The following GYG1 variants were observed in gnomAD, a reference collection of about 807,000 sequenced individuals.
GYG1 encodes the protein glycogenin-1.
In GYG1, 44 loss-of-function variants were observed where a neutral mutation model predicts 41.9. The observed-to-expected ratio is 1.05, with a 90% CI of 0.83 to 1.35. The LOEUF (loss-of-function observed/expected upper bound fraction) is 1.35. Among genes scored for constraint, GYG1 ranks in the 40% most tolerant of loss-of-function variants. GYG1 has a pLI of 0.00. For synonymous variants in GYG1, 141 were observed against 158.1 expected (o/e 0.89, Z 0.81); for missense variants, 429 against 418.9 (o/e 1.02, Z -0.21).
At chr3:149,006,717 GTTCCCATGGA>G (rs941228202) in intron 4 of GYG1, among the ~76,000 whole-genome samples, 69 of 152,088 alleles carry the variant, frequency 4.5e-4, no homozygotes, top group Non-Finnish European at 1.9e-4. Flanking sequence ...CTTTTTTTCT[GTTCCCATGGA>G]ACCGATTGGC....
At position 149,016,284 on chromosome 3, in the gene GYG1, GA is replaced by G. The variant is rs1356253404; in HGVS notation, c.608+6894del. ...TCAAAAAAAAAAAAAAAACAAAAAA[GA>G]AAAAAAAAAAAGAGCCAGGACAGTT... On this transcript the variant is annotated intron_variant, in intron 5 of 7. Coordinates refer to ENST00000345003, the MANE Select transcript of GYG1 (RefSeq NM_004130.4). 8.5e-3 allele frequency among the ~76,000 whole-genome samples: 999 copies of G among 117,250 alleles called. 11 individuals are homozygous for G. The highest frequency in any genetic ancestry group is 0.014 in the Middle Eastern group (3 of 208). 76.9% of individuals were successfully genotyped at this position (117,250 alleles called of 152,430 possible).
chr3:149,021,837 G>A (rs1429010705), intron 5 of GYG1, among the ~76,000 whole-genome samples: 1 of 151,786 alleles, frequency 6.6e-6, no homozygotes, highest in East Asian at 1.9e-4. Context: ...GGTATATCAT[G>A]CTCAAATATC....
Position 148,999,053 on chromosome 3 carries a change from A to G in GYG1, c.481+2149A>G, listed in dbSNP as rs1224285946. Among the ~76,000 whole-genome samples, 3 of 152,376 alleles carry G rather than the reference A, an allele frequency of 2.0e-5. No homozygotes were observed. The East Asian group carries it at 5.8e-4, about 29-fold the overall frequency. On this transcript the variant is annotated intron_variant, in intron 4 of 7. Transcript: ENST00000345003. ...CCTAGAAAACGATTAGATGTTATTGAGAGGTAAGACTTTGATTACCAAACA... is the reference window on the plus strand; with the variant it reads ...CCTAGAAAACGATTAGATGTTATTGGGAGGTAAGACTTTGATTACCAAACA...
rs924107915 is a variant in GYG1 at position 149,030,916 on chromosome 3, C to T, written c.*3983C>T. On this transcript the variant is annotated 3_prime_UTR_variant, in exon 8 of 8. Coordinates refer to ENST00000345003, the MANE Select transcript of GYG1 (RefSeq NM_004130.4). ...CCTATAACACAACATTGTCTCCGATCTCATCTTTCTATCAAATGACTTCCA... is the reference window on the plus strand; with the variant it reads ...CCTATAACACAACATTGTCTCCGATTTCATCTTTCTATCAAATGACTTCCA... The T allele has an allele frequency of 7.2e-5, 11 of 152,204 alleles. No individual in the cohort carries two copies. The highest frequency in any genetic ancestry group is 4.6e-4 in the Admixed American group (7 of 15,288). The allele number at this position is 152,204 out of a possible 1,614,324, so 9.4% of individuals were successfully genotyped here. A position where few individuals can be genotyped will look rare whatever the true frequency, so the allele number is the denominator to read the frequency against.
In GYG1 at chr3:149,029,553, G is replaced by A. The variant is rs1714841024; in HGVS notation, c.*2620G>A. On this transcript the variant is annotated 3_prime_UTR_variant, in exon 8 of 8. Coordinates refer to ENST00000345003, the MANE Select transcript of GYG1 (RefSeq NM_004130.4). The stretch of plus-strand genomic sequence containing the variant: ...TTTGAAGTTAATGTGTTAAAAACTT[G>A]AGGTTAAACATTTGAGTTTTTGTTA... Among the ~76,000 whole-genome samples the A allele has an allele frequency of 6.6e-6, 1 of 152,224 alleles. No individual in the cohort carries two copies. Among genetic ancestry groups the A allele is most frequent in the African/African-American group, 2.4e-5 (1 of 41,454 alleles).
chr3:148,996,277 G>A, intron 2 of GYG1, 25 bp from the exon 3 acceptor site: 2 of 1,554,646 alleles, frequency 1.3e-6, no homozygotes, highest in Non-Finnish European at 8.9e-7. Context: ...TGCTAAGTGT[G>A]GTATTCTGGA....
intron 1 of GYG1, among the ~76,000 whole-genome samples, chr3:148,991,908 C>A (rs1222314647): frequency 1.3e-5 from 2 of 152,214 alleles, no homozygotes; most frequent in Non-Finnish European, 2.9e-5. Context: ...TCTCCTCGTC[C>A]TTCCTCTTGC....
intron 4 of GYG1, chr3:149,001,210 G>A (rs1713077083): frequency 6.6e-6 from 1 of 152,132 alleles, no homozygotes; most frequent in Non-Finnish European, 1.5e-5. Context: ...ATCTTCCCAT[G>A]GTGACTTCCC....
chr3:149,001,194 ACAGTTATCTTCC>A (rs2107892794), intron 4 of GYG1: 2 of 152,268 alleles, frequency 1.3e-5, no homozygotes, highest in Admixed American at 1.3e-4. Context: ...GTCAGCCCGG[ACAGTTATCTTCC>A]CATGGTGACT....
At chr3:149,016,339 GTGTA>G (rs912666228) in intron 5 of GYG1, among the ~76,000 whole-genome samples, 2 of 151,408 alleles carry the variant, frequency 1.3e-5, no homozygotes, top group African/African-American at 4.9e-5. Flanking sequence ...GGAAGGCAAA[GTGTA>G]TGGGCACAGA....
chr3:149,014,344 A>C (rs536664088), intron 5 of GYG1, among the ~76,000 whole-genome samples: 17 of 151,882 alleles, frequency 1.1e-4, no homozygotes, highest in Non-Finnish European at 2.5e-4. Context: ...ATCGGACCCA[A>C]CCCAGCCTTT....
intron 4 of GYG1, among the ~76,000 whole-genome samples, chr3:148,999,129 A>G (rs1168141074): frequency 1.3e-5 from 2 of 152,236 alleles, no homozygotes; most frequent in Non-Finnish European, 2.9e-5. Flanking sequence ...ATATGAAACT[A>G]ACTAACCTAT....
intron 1 of GYG1, among the ~76,000 whole-genome samples, chr3:148,991,982 G>A (rs1712506992): frequency 6.6e-6 from 1 of 152,070 alleles, no homozygotes; most frequent in Non-Finnish European, 1.5e-5. Flanking sequence ...TGGGGAGCCG[G>A]TTCCCCTGGG....
intron 4 of GYG1, among the ~76,000 whole-genome samples, chr3:148,999,953 C>T (rs1352091377): frequency 1.3e-5 from 2 of 152,160 alleles, no homozygotes; most frequent in African/African-American, 4.8e-5. Flanking sequence ...ATGTTTTTAA[C>T]CTCTTTCCTG....
rs1715060386 is a variant in GYG1, at chr3:149,031,637, T to A, written c.*4704T>A. 1 of 152,208 alleles carries A rather than the reference T, an allele frequency of 6.6e-6. No individual in the cohort carries two copies. Among genetic ancestry groups the A allele is most frequent in the African/African-American group, 2.4e-5 (1 of 41,440 alleles). The allele number at this position is 152,208 out of a possible 1,614,324, so 9.4% of individuals were successfully genotyped here. ...TTTTTCATGAACATAAAACTCCAAG[T>A]CATTTATGTGAACTATATCTCAATG... On this transcript the variant is annotated 3_prime_UTR_variant, in exon 8 of 8. Transcript: ENST00000345003.
chr3:149,027,016 T>C lies in GYG1; in HGVS notation c.*83T>C. On this transcript the variant is annotated 3_prime_UTR_variant, in exon 8 of 8. Transcript: ENST00000345003. ...GTATCTAGAGCTGGGTTGAGAAAAG[T>C]CTGTTACAGTTGCTAGAGGTTTTCA... The C allele has an allele frequency of 7.2e-7, 1 of 1,398,352 alleles. No homozygotes were observed. The highest frequency in any genetic ancestry group is 2.3e-5 in the East Asian group (1 of 43,902). The allele number at this position is 1,398,352 out of a possible 1,614,324, so 86.6% of individuals were successfully genotyped here.
chr3:149,016,313 T>A (rs114596958), intron 5 of GYG1, among the ~76,000 whole-genome samples: 2,711 of 148,738 alleles, frequency 0.018, 88 homozygotes, highest in African/African-American at 0.063. Flanking sequence ...GGACAGTTTA[T>A]CCTTGGTAAC....
At chr3:148,996,228 A>C in intron 2 of GYG1, 74 bp from the exon 3 acceptor site, 1 of 1,002,134 alleles carries the variant, frequency 1.0e-6, no homozygotes, top group South Asian at 1.3e-5. Context: ...GTAATAAAGC[A>C]TCAGTCTTAC....
rs1317574797 is a variant in GYG1, at chr3:149,028,618, A to AT, written c.*1691dup. On this transcript the variant is annotated 3_prime_UTR_variant, in exon 8 of 8. Transcript: ENST00000345003. ...GGCCATTCAGTTGCATTCAACGTTA[A>AT]TTTTTTCTATTTACTACCGTTCATT... Among the ~76,000 whole-genome samples the AT allele has an allele frequency of 1.3e-5, 2 of 151,702 alleles. No homozygotes were observed. Among genetic ancestry groups the AT allele is most frequent in the Admixed American group, 6.6e-5 (1 of 15,214 alleles).
Sources: gnomAD v4.1 joint callset for allele counts (sites outside exome capture counted in the v4.1 genomes callset) on GRCh38, gnomAD v4.1.1 for gene constraint, MANE v1.5 for transcripts, NCBI Gene and HGNC (gene_info 2026-07-23, HGNC 2026-07-21) for gene names.